BOD1L1: variants seen among roughly 807,000 people sequenced by gnomAD.
The protein encoded by BOD1L1 is biorientation of chromosomes in cell division protein 1-like 1.
A neutral mutation model predicts 240.7 loss-of-function variants in BOD1L1; 86 were observed. The observed-to-expected ratio is 0.36, with a 90% CI of 0.30 to 0.43. BOD1L1 has a LOEUF of 0.43. Among genes scored for constraint, BOD1L1 ranks in the 20% least tolerant of loss-of-function variants. The pLI, the probability that BOD1L1 is intolerant of heterozygous loss-of-function variation, is 1.00. For synonymous variants in BOD1L1, 1,268 were observed against 1,272.3 expected (o/e 1.00, Z 0.07); for missense variants, 3,554 against 3,643.5 (o/e 0.98, Z 0.63).
rs79537901 is a variant in BOD1L1 at position 13,620,076 on chromosome 4, A to G, written c.244-9T>C. The G allele has an allele frequency of 6.3e-7, 1 of 1,592,630 alleles. No individual in the cohort carries two copies. The highest frequency in any genetic ancestry group is 8.6e-7 in the Non-Finnish European group (1 of 1,168,420). ...AGATTCTGATACGCAGGCTAGAGAG[A>G]AAAAAACGAAGGTAAGTCTTCAAGG... On this transcript the variant is annotated splice_polypyrimidine_tract_variant and intron_variant, in intron 1 of 25. Transcript: ENST00000040738.
intron 17 of BOD1L1, 42 bp downstream of exon 17, chr4:13,586,354 T>A (rs745661426): frequency 1.5e-6 from 2 of 1,357,478 alleles, no homozygotes; most frequent in African/African-American, 2.9e-5. Flanking sequence ...TAGGCCTCCC[T>A]ACCCCCACCC....
In BOD1L1 at chr4:13,627,453, A is replaced by C. The variant is rs757197156; in HGVS notation, c.135T>G (p.Gly45=). 23 of 1,192,570 alleles carry C rather than the reference A, an allele frequency of 1.9e-5. No homozygotes were observed. The highest frequency in any genetic ancestry group is 5.3e-5 in the South Asian group (2 of 37,552). 73.9% of individuals were successfully genotyped at this position (1,192,570 alleles called of 1,614,324 possible). A position where few individuals can be genotyped will look rare whatever the true frequency, so the allele number is the denominator to read the frequency against. ...CGAGCTGCGGGTCCCCGGCGCCCGC[A>C]CCCGCGCCGCCCGCCCCGCCCGCGC... ...GPGAGGAGGA[G]AGAGDPQLVA... The change falls in exon 1 of 26, where the codon GGT becomes GGG. Residue 45 remains glycine, a synonymous_variant. Coordinates refer to ENST00000040738, the MANE Select transcript of BOD1L1 (RefSeq NM_148894.3).
At position 13,600,316 on chromosome 4, in the gene BOD1L1, G is replaced by T; in HGVS notation, c.6584C>A (p.Pro2195His). The T allele has an allele frequency of 6.2e-7, 1 of 1,614,022 alleles. No homozygotes were observed. Among genetic ancestry groups the T allele is most frequent in the Non-Finnish European group, 8.5e-7 (1 of 1,179,902 alleles). The change falls in exon 10 of 26, where the codon CCC becomes CAC. Residue 2195 changes from proline (P) to histidine (H), a missense_variant. Physicochemically the swap from Pro to His is moderately conservative, Grantham distance 77 (BLOSUM62 -2). This residue lies in a region of BOD1L1 where 3,393 missense variants were observed against 3,427.1 expected (regional missense o/e 0.99). Transcript: ENST00000040738. ...ISTADFEGPM[P>H]SAPPEAESPL... The stretch of plus-strand genomic sequence containing the variant: ...ACTTTCAGCTTCTGGGGGCGCACTG[G>T]GCATAGGCCCCTCAAAGTCGGCGGT...
In BOD1L1 at chr4:13,599,553, C is replaced by T; in HGVS notation, c.7347G>A (p.Gln2449=). ...PEIGPFAGRG[Q]KESTLHLINA... is the part of the protein sequence containing the mutation. The stretch of plus-strand genomic sequence containing the variant: ...TTATGAGGTGTAAAGTGCTCTCTTT[C>T]TGTCCTCTTCCTGCAAATGGTCCTA... The change falls in exon 10 of 26, where the codon CAG becomes CAA. Residue 2449 remains glutamine, a synonymous_variant. Transcript: ENST00000040738. The T allele has an allele frequency of 6.2e-7, 1 of 1,614,052 alleles. No homozygotes were observed. The highest frequency in any genetic ancestry group is 8.5e-7 in the Non-Finnish European group (1 of 1,179,902).
chr4:13,580,079 A>C (rs2108889680), intron 21 of BOD1L1, 106 bp from the exon 22 acceptor site: 1 of 792,224 alleles, frequency 1.3e-6, no homozygotes, highest in East Asian at 2.8e-5. Flanking sequence ...CTTTATTTAC[A>C]TAGGCGTATT....
chr4:13,625,992 T>C (rs1717356935), intron 1 of BOD1L1: 1 of 152,238 alleles, frequency 6.6e-6, no homozygotes, highest in Admixed American at 6.5e-5. Context: ...GAAGAAACTG[T>C]GGATGTTGTA....
At position 13,603,586 on chromosome 4, in the gene BOD1L1, G is replaced by A; in HGVS notation, c.3314C>T (p.Pro1105Leu). ...CAATGTCATATCACCACTCTTTTTT[G>A]GTCTCTGAAGGGAGGAACCGCTGGG... ...STPSGSSLQR[P>L]KKSGDMTLIP... The change falls in exon 10 of 26, where the codon CCA becomes CTA. Residue 1105 changes from proline (P) to leucine (L), a missense_variant. Physicochemically the swap from Pro to Leu is moderately conservative, Grantham distance 98. Transcript: ENST00000040738. 1 of 1,613,516 alleles carries A rather than the reference G, an allele frequency of 6.2e-7. No homozygotes were observed. The highest frequency in any genetic ancestry group is 8.5e-7 in the Non-Finnish European group (1 of 1,179,748).
chr4:13,596,645 A>C (rs553448890), intron 11 of BOD1L1, among the ~76,000 whole-genome samples: 15 of 152,110 alleles, frequency 9.9e-5, no homozygotes, highest in African/African-American at 3.1e-4. Flanking sequence ...AATTTTAAGC[A>C]GAGCAATGAC....
At position 13,614,284 on chromosome 4, in the gene BOD1L1, T is replaced by A; in HGVS notation, c.1086A>T (p.Lys362Asn). The change falls in exon 4 of 26, where the codon AAA (lysine) becomes AAT (asparagine). Residue 362 changes from lysine (K) to asparagine (N), a missense_variant. By Grantham distance (94) the Lys-to-Asn change is moderately conservative. Coordinates refer to ENST00000040738, the MANE Select transcript of BOD1L1 (RefSeq NM_148894.3). ...SEDTQKVKDE[K>N]QAKEKEVESL... ...TCTCTACTTCTTTTTCCTTTGCTTG[T>A]TTTTCATCTTTAACTTTCTGTGTAT... The A allele has an allele frequency of 6.5e-7, 1 of 1,548,018 alleles. No homozygotes were observed. Among genetic ancestry groups the A allele is most frequent in the Non-Finnish European group, 8.7e-7 (1 of 1,146,154 alleles).
chr4:13,574,287 T>C (rs1012193554), intron 25 of BOD1L1, among the ~76,000 whole-genome samples: 2 of 152,040 alleles, frequency 1.3e-5, no homozygotes, highest in South Asian at 4.2e-4. Context: ...TGGCTATTGG[T>C]ACTACATGAC....
intron 12 of BOD1L1, among the ~76,000 whole-genome samples, chr4:13,595,120 T>C (rs1343606075): frequency 6.6e-6 from 1 of 152,166 alleles, no homozygotes; most frequent in Admixed American, 6.6e-5. Context: ...TTTTGGAAAA[T>C]CTAGCCATTT....
rs193291896 is a variant in BOD1L1, at chr4:13,580,591, G to A, written c.8703+429C>T. The stretch of plus-strand genomic sequence containing the variant: ...TACGTCAGGGTCAAAGATAAAGAAC[G>A]TTCAAACATAAAATATCACTAAGGA... On this transcript the variant is annotated intron_variant, in intron 21 of 25. Transcript: ENST00000040738. Among the ~76,000 whole-genome samples the A allele has an allele frequency of 3.9e-5, 6 of 152,212 alleles. No homozygotes were observed. The East Asian group carries it at 7.7e-4, about 20-fold the overall frequency.
Position 13,614,332 on chromosome 4 carries a change from A to C in BOD1L1, c.1038T>G (p.Phe346Leu). Residue 346 changes from phenylalanine (F) to leucine (L), a missense_variant, in exon 4 of 26, where the codon TTT (phenylalanine) becomes TTG (leucine). This residue lies in a region of BOD1L1 where 3,393 missense variants were observed against 3,427.1 expected (regional missense o/e 0.99). Coordinates refer to ENST00000040738, the MANE Select transcript of BOD1L1 (RefSeq NM_148894.3). ...KEKKEKTEKK[F>L]DHSKKSEDTQ... ...TATCTTCACTCTTTTTTGAGTGATCAAATTTCTTTTCAGTCTTTTCCTTCT... is the reference window on the plus strand; with the variant it reads ...TATCTTCACTCTTTTTTGAGTGATCCAATTTCTTTTCAGTCTTTTCCTTCT... 6.4e-7 allele frequency: 1 copy of C among 1,550,500 alleles called. No individual in the cohort carries two copies. Among genetic ancestry groups the C allele is most frequent in the South Asian group, 1.2e-5 (1 of 83,840 alleles).
At position 13,601,243 on chromosome 4, in the gene BOD1L1, C is replaced by T. The variant is rs779223268; in HGVS notation, c.5657G>A (p.Cys1886Tyr). 8 of 1,613,998 alleles carry T rather than the reference C, an allele frequency of 5.0e-6. No homozygotes were observed. In the Admixed American group the frequency reaches 5.0e-5, roughly 10 times the overall value. ...RGNEIGHAST[C>Y]TGLGEESEGV... The stretch of plus-strand genomic sequence containing the variant: ...TTCACTTTCTTCTCCTAACCCTGTA[C>T]AAGTTGAAGCATGCCCAATTTCATT... The change falls in exon 10 of 26, where the codon TGT (cysteine) becomes TAT (tyrosine). Residue 1886 changes from cysteine (C) to tyrosine (Y), a missense_variant. This residue lies in a region of BOD1L1 where 3,393 missense variants were observed against 3,427.1 expected (regional missense o/e 0.99). Coordinates refer to ENST00000040738, the MANE Select transcript of BOD1L1 (RefSeq NM_148894.3).
intron 12 of BOD1L1, 44 bp downstream of exon 12, chr4:13,595,816 G>A: frequency 1.3e-6 from 2 of 1,543,474 alleles, no homozygotes; most frequent in Non-Finnish European, 1.8e-6. Flanking sequence ...CCACATGCAA[G>A]GCAAAAACAA....
intron 6 of BOD1L1, among the ~76,000 whole-genome samples, chr4:13,610,328 G>A (rs750915450): frequency 1.3e-5 from 2 of 150,508 alleles, no homozygotes; most frequent in African/African-American, 2.4e-5. Context: ...GCTGCATACT[G>A]TATTTTTGCA....
Position 13,614,469 on chromosome 4 carries a change from TTAAATTA to T in BOD1L1, c.894_900del (p.Asn298LysfsTer4). 1 of 1,613,652 alleles carries T rather than the reference TTAAATTA, an allele frequency of 6.2e-7. No individual in the cohort carries two copies. The highest frequency in any genetic ancestry group is 8.5e-7 in the Non-Finnish European group (1 of 1,179,790). ...TGTTGAACATCCTTATTTAGCAGAA[TTAAATTA>T]TTATGCTCTTTTGTGTAATTTTTAA... On this transcript the variant is annotated frameshift_variant, in exon 4 of 26. Coordinates refer to ENST00000040738, the MANE Select transcript of BOD1L1 (RefSeq NM_148894.3). LOFTEE classifies it high-confidence loss of function.
In BOD1L1 at chr4:13,627,649, T is replaced by C. The variant is rs1287349139; in HGVS notation, c.-62A>G. The C allele has an allele frequency of 1.8e-5, 20 of 1,103,530 alleles. No individual in the cohort carries two copies. Among genetic ancestry groups the C allele is most frequent in the Non-Finnish European group, 2.1e-5 (19 of 904,148 alleles). 68.4% of individuals were successfully genotyped at this position (1,103,530 alleles called of 1,614,324 possible). A position where few individuals can be genotyped will look rare whatever the true frequency, so the allele number is the denominator to read the frequency against. ...GCGGACGATCCTGGGAGGCGGCGGC[T>C]GCACTGGTCCCGCCGCCTGAGGGAA... is the stretch of plus-strand genomic sequence containing the variant. On this transcript the variant is annotated 5_prime_UTR_variant, in exon 1 of 26. Transcript: ENST00000040738.
At chr4:13,612,005 A>G (rs1236165229) in intron 5 of BOD1L1, among the ~76,000 whole-genome samples, 2 of 152,188 alleles carry the variant, frequency 1.3e-5, no homozygotes, top group African/African-American at 4.8e-5. Flanking sequence ...CCAGGAAAAA[A>G]CTTAAGAAGA....
Sources: gnomAD v4.1 joint callset for allele counts (sites outside exome capture counted in the v4.1 genomes callset) on GRCh38, gnomAD v4.1.1 for gene constraint, gnomAD v4.1.1 regional missense constraint, MANE v1.5 for transcripts, NCBI Gene and HGNC (gene_info 2026-07-23, HGNC 2026-07-21) for gene names.